NBPF10: variants seen among roughly 807,000 people sequenced by gnomAD.
NBPF10 encodes the protein NBPF member 10, also known as NBPF family member NBPF10.
A neutral mutation model predicts 77.9 loss-of-function variants in NBPF10; 63 were observed. That is an observed-to-expected ratio of 0.81 (90% confidence interval 0.66 to 1.00). The LOEUF is 1.00. Ranked by LOEUF, NBPF10 falls within the 50% of genes least tolerant of loss-of-function variation. The pLI is 0.00. For missense variants in NBPF10, 522 were observed against 679.8 expected, an observed-to-expected ratio of 0.77 and a Z score of 2.58; for synonymous variants, 146 against 264.5, an observed-to-expected ratio of 0.55 and a Z score of 4.35.
intron 12 of NBPF10, among the ~76,000 whole-genome samples, 167 bp downstream of exon 12, chr1:146,127,952 C>G (rs1203491242): frequency 6.7e-6 from 1 of 150,354 alleles, no homozygotes; most frequent in African/African-American, 2.5e-5. Flanking sequence ...CACCCCATGC[C>G]TGTGCTTCAG....
chr1:146,126,359 A>C (rs782333643), exon 14 of NBPF10: 2 of 1,385,780 alleles, frequency 1.4e-6, no homozygotes, highest in African/African-American at 1.5e-5. Flanking sequence ...CTATCCTGTG[A>C]GTCCTGCAAG....
At chr1:146,139,120 G>A (rs1489352677) in intron 5 of NBPF10, among the ~76,000 whole-genome samples, 2 of 115,696 alleles carry the variant, frequency 1.7e-5, no homozygotes, top group African/African-American at 6.4e-5. Flanking sequence ...TTTTTTTTGA[G>A]ATGGAGTCTC....
At chr1:146,067,859 G>A (rs1301249938) in intron 88 of NBPF10, 144 bp downstream of exon 88, 145 of 698,534 alleles carry the variant, frequency 2.1e-4, no homozygotes, top group Admixed American at 4.5e-4. Flanking sequence ...TGAGACTACA[G>A]TTTCATTACA....
At chr1:146,125,947 C>G (rs1171943812) in intron 14 of NBPF10, among the ~76,000 whole-genome samples, 2 of 151,592 alleles carry the variant, frequency 1.3e-5, no homozygotes, top group African/African-American at 2.4e-5. Flanking sequence ...AAAATTTAGA[C>G]AAAATCAGAG....
chr1:146,125,566 C>T (rs781967531), intron 14 of NBPF10, 50 bp from the exon 15 acceptor site: 4 of 651,060 alleles, frequency 6.1e-6, no homozygotes, highest in South Asian at 4.5e-5. Flanking sequence ...TTCTCCTACA[C>T]ACATAACAAT....
intron 5 of NBPF10, among the ~76,000 whole-genome samples, chr1:146,139,137 T>C (rs1305088640): frequency 1.5e-5 from 2 of 136,114 alleles, no homozygotes; most frequent in Non-Finnish European, 1.6e-5. Context: ...TCTCGCTCTG[T>C]CTCCCAGGCT....
At chr1:146,121,849 A>G (rs1658209010) in intron 19 of NBPF10, among the ~76,000 whole-genome samples, 179 bp from the exon 20 acceptor site, 1 of 148,576 alleles carries the variant, frequency 6.7e-6, no homozygotes, top group African/African-American at 2.6e-5. Flanking sequence ...GAAAACAATG[A>G]AAGAGAAAGA....
Position 146,126,420 on chromosome 1 carries a change from G to C in NBPF10, c.1854-12C>G, listed in dbSNP as rs1658667825. ...GCTCCCTGCTGAGCGTGGAAAAGTA[G>C]GAAAAAGTAAAGAATAAGCCAGGGG... is the stretch of plus-strand genomic sequence containing the variant. On this transcript the variant is annotated splice_polypyrimidine_tract_variant and intron_variant, in intron 13 of 89. Transcript: ENST00000583866. 8.8e-7 allele frequency: 1 copy of C among 1,136,980 alleles called. No homozygotes were observed. Among genetic ancestry groups the C allele is most frequent in the Non-Finnish European group, 1.3e-6 (1 of 752,712 alleles). 70.4% of individuals were successfully genotyped at this position (1,136,980 alleles called of 1,614,324 possible).
intron 7 of NBPF10, among the ~76,000 whole-genome samples, chr1:146,136,034 G>C (rs1322033570): frequency 3.1e-4 from 46 of 148,888 alleles, no homozygotes; most frequent in Middle Eastern, 3.4e-3. Flanking sequence ...AGGGTAAGTG[G>C]GGTGGTGATG....
intron 77 of NBPF10, among the ~76,000 whole-genome samples, chr1:146,076,270 C>A (rs1384468649): frequency 8.4e-5 from 1 of 11,912 alleles, no homozygotes; most frequent in African/African-American, 1.7e-4. Flanking sequence ...CACACACACA[C>A]ACACACACAC....
chr1:146,139,120 G>C (rs1489352677), intron 5 of NBPF10, among the ~76,000 whole-genome samples: 1 of 115,698 alleles, frequency 8.6e-6, no homozygotes, highest in African/African-American at 3.2e-5. Flanking sequence ...TTTTTTTTGA[G>C]ATGGAGTCTC....
chr1:146,143,389 G>A (rs1464592608), intron 1 of NBPF10, among the ~76,000 whole-genome samples: 26 of 151,312 alleles, frequency 1.7e-4, no homozygotes, highest in Non-Finnish European at 3.2e-4. Context: ...AGATTAGTTT[G>A]TGTTAATTTA....
chr1:146,066,615 AG>A (rs1655082439), intron 89 of NBPF10, 54 bp from the exon 90 acceptor site: 5 of 535,922 alleles, frequency 9.3e-6, no homozygotes, highest in Admixed American at 7.4e-5. Flanking sequence ...GACACCACAG[AG>A]CCCCAGCTAG....
At chr1:146,136,287 C>G (rs1571218993) in intron 7 of NBPF10, 66 bp downstream of exon 7, 1 of 911,686 alleles carries the variant, frequency 1.1e-6, no homozygotes, top group Admixed American at 2.0e-5. Context: ...CGTCTCCCCA[C>G]CGAGCTGCTG....
At chr1:146,066,760 A>G (rs1553777615) in intron 89 of NBPF10, among the ~76,000 whole-genome samples, 199 bp from the exon 90 acceptor site, 1 of 151,280 alleles carries the variant, frequency 6.6e-6, no homozygotes, top group Admixed American at 6.6e-5. Context: ...AGAAAGACAG[A>G]GAGAGAGAGA....
intron 77 of NBPF10, among the ~76,000 whole-genome samples, 197 bp from the exon 78 acceptor site, chr1:146,076,238 G>GACACACACAC (rs1213507335): frequency 5.6e-4 from 3 of 5,332 alleles, no homozygotes; most frequent in Non-Finnish European, 1.0e-3. Context: ...AAGACAGATA[G>GACACACACAC]ACACACACAC....
rs782493155 is a variant in NBPF10, at chr1:146,126,272, C to G, written c.1990G>C (p.Glu664Gln). Residue 664 changes from glutamate to glutamine, a missense_variant, in exon 14 of 90, where the codon GAG becomes CAG. Glu to Gln is a conservative substitution (Grantham distance 29). Coordinates refer to ENST00000583866, the Ensembl canonical transcript of NBPF10. The stretch of plus-strand genomic sequence containing the variant: ...ATAGCCAAGCCAACACGCTGTTGCT[C>G]CAATATGTAAAAGGCACTTCTGTAG... 53 of 1,608,164 alleles carry G rather than the reference C, an allele frequency of 3.3e-5. No homozygotes were observed. In the African/African-American group the frequency reaches 6.2e-4, roughly 19 times the overall value.
intron 67 of NBPF10, among the ~76,000 whole-genome samples, chr1:146,084,129 G>A (rs1292950227): frequency 8.3e-4 from 124 of 148,654 alleles, no homozygotes; most frequent in Middle Eastern, 3.6e-3. Context: ...GACAGAGACA[G>A]AGAGAAAGTG....
intron 6 of NBPF10, among the ~76,000 whole-genome samples, chr1:146,137,560 T>G: frequency 1.1e-5 from 1 of 92,576 alleles, no homozygotes; most frequent in East Asian, 3.3e-4. Flanking sequence ...CCATCTACTT[T>G]TTGTATTTTT....
Sources: allele counts gnomAD v4.1 joint callset (sites outside exome capture counted in the v4.1 genomes callset), GRCh38; gene constraint gnomAD v4.1.1; transcripts MANE v1.5; gene names NCBI Gene and HGNC (gene_info 2026-07-23, HGNC 2026-07-21).